Variants in NALF1 observed in about 807,000 individuals in gnomAD.
NALF1 encodes the protein NALCN channel auxiliary factor 1, also known as family with sequence similarity 155 member A.
NALF1 carries 3 observed loss-of-function variants against 48.4 expected under a neutral mutation model. The observed-to-expected ratio is 0.06, with a 90% confidence interval of 0.03 to 0.16. The LOEUF is 0.16. NALF1 is among the 10% of genes least tolerant of loss of function. NALF1 has a pLI of 1.00. For synonymous variants in NALF1, 262 were observed against 245.7 expected, an observed-to-expected ratio of 1.07 and a Z score of -0.62; for missense variants, 526 against 571.5, an observed-to-expected ratio of 0.92 and a Z score of 0.81.
intron 1 of NALF1, among the ~76,000 whole-genome samples, chr13:107,250,732 C>T (rs527989898): frequency 6.6e-6 from 1 of 152,056 alleles, no homozygotes; most frequent in East Asian, 1.9e-4. Flanking sequence ...TGTGTCTCTG[C>T]CCAAACTCAT....
At chr13:107,289,939 A>T (rs1373257822) in intron 1 of NALF1, among the ~76,000 whole-genome samples, 1 of 152,206 alleles carries the variant, frequency 6.6e-6, no homozygotes, top group Admixed American at 6.5e-5. Flanking sequence ...GAGCCTGTTC[A>T]ACTGTGAGAA....
At chr13:107,849,867 C>T (rs1374144044) in intron 1 of NALF1, among the ~76,000 whole-genome samples, 1 of 152,092 alleles carries the variant, frequency 6.6e-6, no homozygotes, top group African/African-American at 2.4e-5. Flanking sequence ...CAAAATCTAA[C>T]AGGAGAAACA....
chr13:107,473,558 C>T (rs1287834449), intron 1 of NALF1, among the ~76,000 whole-genome samples: 1 of 152,072 alleles, frequency 6.6e-6, no homozygotes, highest in Non-Finnish European at 1.5e-5. Flanking sequence ...GGACATATGT[C>T]TCATAAAATA....
chr13:107,789,389 G>A lies in NALF1; in HGVS notation c.915+76293C>T, dbSNP rs1023360532. On this transcript the variant is annotated intron_variant, in intron 1 of 2. Coordinates refer to ENST00000375915, the MANE Select transcript of NALF1 (RefSeq NM_001080396.3). ...TCAGTTACAAATGGGTATGAATGTC[G>A]TCAGGCAATTCCTGTCTTAAAATCA... is the stretch of plus-strand genomic sequence containing the variant. 3.3e-5 allele frequency among the ~76,000 whole-genome samples: 5 copies of A among 152,078 alleles called. 1 individual carries two copies. Among genetic ancestry groups the A allele is most frequent in the South Asian group, 4.1e-4 (2 of 4,824 alleles).
At chr13:107,710,599 G>C (rs766080261) in intron 1 of NALF1, among the ~76,000 whole-genome samples, 1 of 150,964 alleles carries the variant, frequency 6.6e-6, no homozygotes, top group Non-Finnish European at 1.5e-5. Context: ...AGAGTGAGAG[G>C]AAGTGCTACA....
In NALF1 at chr13:107,181,119, G is replaced by C. The variant is rs563950237; in HGVS notation, c.1088-10333C>G. ...TTTATTTTCATCCTTGATTAGACTT[G>C]AAAGGTTTCTTAGTTTTATTTGTAT... On this transcript the variant is annotated intron_variant, in intron 2 of 2. Transcript: ENST00000375915. 5.3e-5 allele frequency among the ~76,000 whole-genome samples: 8 copies of C among 151,458 alleles called. No homozygotes were observed. In the East Asian group the frequency reaches 1.6e-3, roughly 30 times the overall value.
At chr13:107,259,172 T>C (rs1451265401) in intron 1 of NALF1, among the ~76,000 whole-genome samples, 1 of 152,178 alleles carries the variant, frequency 6.6e-6, no homozygotes, top group Non-Finnish European at 1.5e-5. Context: ...GTGTGCCTTT[T>C]CCCCTTTTCC....
intron 1 of NALF1, among the ~76,000 whole-genome samples, chr13:107,711,953 T>C (rs548418191): frequency 3.3e-5 from 5 of 152,272 alleles, no homozygotes; most frequent in Non-Finnish European, 7.4e-5. Flanking sequence ...TACACAGACA[T>C]CAGGCAAGTT....
chr13:107,657,396 T>C (rs1880611175), intron 1 of NALF1, among the ~76,000 whole-genome samples: 1 of 152,140 alleles, frequency 6.6e-6, no homozygotes, highest in Non-Finnish European at 1.5e-5. Context: ...CCTGTTCAAC[T>C]ATTTTCTTGC....
chr13:107,729,160 T>A (rs1204276110), intron 1 of NALF1, among the ~76,000 whole-genome samples: 2 of 152,156 alleles, frequency 1.3e-5, no homozygotes, highest in Non-Finnish European at 2.9e-5. Context: ...TGTACAGCAA[T>A]AATCTAGGGA....
At chr13:107,381,858 C>T (rs1883446045) in intron 1 of NALF1, among the ~76,000 whole-genome samples, 1 of 152,136 alleles carries the variant, frequency 6.6e-6, no homozygotes, top group African/African-American at 2.4e-5. Flanking sequence ...CTCTCTCTCC[C>T]ATTGCCTCTC....
At chr13:107,722,427 A>G (rs1381822238) in intron 1 of NALF1, among the ~76,000 whole-genome samples, 1 of 152,150 alleles carries the variant, frequency 6.6e-6, no homozygotes, top group African/African-American at 2.4e-5. Flanking sequence ...TTGATGGTTC[A>G]TGTCACTGAA....
intron 1 of NALF1, among the ~76,000 whole-genome samples, chr13:107,305,200 C>T (rs1466263178): frequency 2.0e-5 from 3 of 152,190 alleles, no homozygotes; most frequent in Non-Finnish European, 4.4e-5. Context: ...GTGTCCAACA[C>T]TTTGCTTTAG....
At chr13:107,752,209 C>T (rs1333661785) in intron 1 of NALF1, among the ~76,000 whole-genome samples, 2 of 151,978 alleles carry the variant, frequency 1.3e-5, no homozygotes, top group Non-Finnish European at 2.9e-5. Context: ...CAATAGATTG[C>T]CAATTCATTG....
intron 1 of NALF1, among the ~76,000 whole-genome samples, chr13:107,817,872 G>A (rs1420173405): frequency 1.3e-5 from 2 of 152,024 alleles, no homozygotes; most frequent in Non-Finnish European, 2.9e-5. Flanking sequence ...CATCATAGTA[G>A]CGCAGCCCAA....
intron 1 of NALF1, among the ~76,000 whole-genome samples, chr13:107,719,044 G>C (rs995328119): frequency 1.3e-5 from 2 of 152,252 alleles, no homozygotes; most frequent in Non-Finnish European, 1.5e-5. Context: ...GCTTGTATTT[G>C]AATTAAATGA....
intron 1 of NALF1, among the ~76,000 whole-genome samples, chr13:107,840,821 G>A (rs775304574): frequency 6.6e-6 from 1 of 151,806 alleles, no homozygotes; most frequent in African/African-American, 2.4e-5. Context: ...CTAGTCTCTG[G>A]GTTTTTGTTC....
intron 1 of NALF1, among the ~76,000 whole-genome samples, chr13:107,357,181 C>T (rs1882977796): frequency 6.6e-6 from 1 of 152,154 alleles, no homozygotes; most frequent in Admixed American, 6.5e-5. Context: ...ACTCCCAGTT[C>T]CACATGGCTG....
intron 1 of NALF1, among the ~76,000 whole-genome samples, chr13:107,322,241 C>T (rs879909744): frequency 2.0e-5 from 3 of 152,124 alleles, no homozygotes; most frequent in African/African-American, 4.8e-5. Context: ...TTAAACAGCT[C>T]TATGCTCACC....
Sources: gnomAD v4.1 joint callset for allele counts (sites outside exome capture counted in the v4.1 genomes callset) on GRCh38, gnomAD v4.1.1 for gene constraint, MANE v1.5 for transcripts, NCBI Gene and HGNC (gene_info 2026-07-23, HGNC 2026-07-21) for gene names.